PCDHA13: variants seen among roughly 807,000 people sequenced by gnomAD.
PCDHA13 encodes protocadherin alpha 13.
PCDHA13 carries 54 observed loss-of-function variants against 64.8 expected under a neutral mutation model. The ratio of observed to expected loss-of-function variants is 0.83; its 90% CI spans 0.67 to 1.04. The LOEUF (loss-of-function observed/expected upper bound fraction) is 1.04, where lower values mean the gene tolerates loss of function less well. PCDHA13 is among the 50% of genes least tolerant of loss of function. The pLI is 0.00. For synonymous variants in PCDHA13, 587 were observed against 564.4 expected (o/e 1.04, Z -0.57); for missense variants, 1,248 against 1,254.3 (o/e 0.99, Z 0.08).
chr5:140,928,539 T>G, intron 1 of PCDHA13: 1 of 1,614,222 alleles, frequency 6.2e-7, no homozygotes. Context: ...TAGATAGGAA[T>G]GACAATTATC....
intron 1 of PCDHA13, among the ~76,000 whole-genome samples, chr5:140,960,872 AAT>A (rs2095576865): frequency 6.6e-6 from 1 of 152,232 alleles, no homozygotes; most frequent in Admixed American, 6.5e-5. Flanking sequence ...AATTAGCTGA[AAT>A]ACACACTAAT....
chr5:140,924,102 T>C (rs1227932285), intron 1 of PCDHA13, among the ~76,000 whole-genome samples: 1 of 152,242 alleles, frequency 6.6e-6, no homozygotes. Context: ...TAAATTTTCA[T>C]TCCAAAGCAG....
chr5:140,884,582 T>G lies in PCDHA13; in HGVS notation c.2314T>G (p.Phe772Val). Reference sequence around the variant, plus strand: ...CCCGCATAAGACGGACCTCATGGCCTTCAGTCCCAGCCTTCCTCCTTGTCT... The same window carrying G: ...CCCGCATAAGACGGACCTCATGGCCGTCAGTCCCAGCCTTCCTCCTTGTCT... ...EGPHKTDLMA[F>V]SPSLPPCLGS... The change falls in exon 1 of 4, where the codon TTC becomes GTC. Residue 772 changes from phenylalanine (F) to valine (V), a missense_variant. Physicochemically the swap from Phe to Val is conservative, Grantham distance 50. Transcript: ENST00000289272. 1 of 1,614,172 alleles carries G rather than the reference T, an allele frequency of 6.2e-7. No homozygotes were observed. Among genetic ancestry groups the G allele is most frequent in the South Asian group, 1.1e-5 (1 of 91,084 alleles).
chr5:140,886,422 T>G (rs930235903), intron 1 of PCDHA13, among the ~76,000 whole-genome samples: 1 of 152,240 alleles, frequency 6.6e-6, no homozygotes, highest in Non-Finnish European at 1.5e-5. Flanking sequence ...TCCTATATTA[T>G]TTCTATTCAT....
intron 1 of PCDHA13, among the ~76,000 whole-genome samples, chr5:140,950,864 A>G (rs1014752748): frequency 1.3e-5 from 2 of 151,930 alleles, no homozygotes; most frequent in Non-Finnish European, 2.9e-5. Context: ...ATTCTTGTAT[A>G]TTCTATATTG....
chr5:140,893,050 A>T (rs967159859), intron 1 of PCDHA13, among the ~76,000 whole-genome samples: 1 of 152,248 alleles, frequency 6.6e-6, no homozygotes, highest in Non-Finnish European at 1.5e-5. Context: ...CTCCAGGCTC[A>T]GCCATACTGC....
chr5:140,934,349 T>C (rs1466597753), intron 1 of PCDHA13, among the ~76,000 whole-genome samples: 2 of 152,202 alleles, frequency 1.3e-5, no homozygotes, highest in African/African-American at 4.8e-5. Flanking sequence ...CAGTACAGTG[T>C]GGAGCCACTG....
chr5:140,980,749 G>A (rs1388943582), intron 2 of PCDHA13, among the ~76,000 whole-genome samples: 1 of 151,942 alleles, frequency 6.6e-6, no homozygotes, highest in Non-Finnish European at 1.5e-5. Flanking sequence ...TTTGAGTAGG[G>A]TAAGAAATAA....
chr5:140,968,818 T>A, intron 1 of PCDHA13: 1 of 1,614,188 alleles, frequency 6.2e-7, no homozygotes, highest in South Asian at 1.1e-5. Context: ...TGGATAGGGT[T>A]TCCAAAATCC....
chr5:140,991,086 T>C (rs2097431989), intron 3 of PCDHA13, among the ~76,000 whole-genome samples: 1 of 152,206 alleles, frequency 6.6e-6, no homozygotes, highest in African/African-American at 2.4e-5. Context: ...ATAAAAAAAT[T>C]AAAGCTCATA....
chr5:140,943,359 G>T (rs1374185019), intron 1 of PCDHA13, among the ~76,000 whole-genome samples: 2 of 151,772 alleles, frequency 1.3e-5, no homozygotes, highest in Non-Finnish European at 2.9e-5. Flanking sequence ...TAGAGGAAAG[G>T]AGATCATTAA....
chr5:140,995,379 G>T (rs1300023701), intron 3 of PCDHA13, among the ~76,000 whole-genome samples: 2 of 152,172 alleles, frequency 1.3e-5, no homozygotes, highest in East Asian at 1.9e-4. Context: ...CACGTACTGG[G>T]CAGGATAAAG....
rs781960813 is a variant in PCDHA13 at position 140,883,266 on chromosome 5, A to C, written c.998A>C (p.His333Pro). The change falls in exon 1 of 4, where the codon CAT becomes CCT. Residue 333 changes from histidine to proline, a missense_variant. By Grantham distance (77) the His-to-Pro change is moderately conservative (BLOSUM62 -2). Transcript: ENST00000289272. ...AAAGGAAATATTCCAATGGCGGGTCATTGTACCCTTTTGGTGGAAGTACTA... is the reference window on the plus strand; with the variant it reads ...AAAGGAAATATTCCAATGGCGGGTCCTTGTACCCTTTTGGTGGAAGTACTA... Reference protein sequence around the residue: ...VDKGNIPMAGHCTLLVEVLDV... With the variant: ...VDKGNIPMAGPCTLLVEVLDV... 2.7e-5 allele frequency: 43 copies of C among 1,614,082 alleles called. No individual in the cohort carries two copies. In the African/African-American group the frequency reaches 4.7e-4, roughly 18 times the overall value.
rs1554181483 is a variant in PCDHA13 at position 140,884,373 on chromosome 5, T to C, written c.2105T>C (p.Ile702Thr). 1.2e-6 allele frequency: 2 copies of C among 1,613,958 alleles called. No individual in the cohort carries two copies. The highest frequency in any genetic ancestry group is 2.2e-5 in the South Asian group (2 of 91,086). The stretch of plus-strand genomic sequence containing the variant: ...GTGGATGTCAATGTTTACTTGATCA[T>C]TGCCATCTGCGCGGTGTCCAGCCTG... ...ALVDVNVYLIIAICAVSSLLV... is the reference protein window; with the variant it reads ...ALVDVNVYLITAICAVSSLLV... The change falls in exon 1 of 4, where the codon ATT becomes ACT. Residue 702 changes from isoleucine (I) to threonine (T), a missense_variant. Physicochemically the swap from Ile to Thr is moderately conservative, Grantham distance 89. Transcript: ENST00000289272.
intron 1 of PCDHA13, among the ~76,000 whole-genome samples, chr5:140,953,756 G>C (rs2094932328): frequency 6.6e-6 from 1 of 152,208 alleles, no homozygotes; most frequent in South Asian, 2.1e-4. Context: ...ATTTATCCAA[G>C]AATTAAATTT....
chr5:140,986,011 T>A (rs1172713730), intron 3 of PCDHA13, among the ~76,000 whole-genome samples: 1 of 152,184 alleles, frequency 6.6e-6, no homozygotes, highest in Non-Finnish European at 1.5e-5. Flanking sequence ...AGTGCTGGGA[T>A]TACAGGCGTG....
At chr5:141,007,095 G>A (rs1405401392) in intron 3 of PCDHA13, among the ~76,000 whole-genome samples, 2 of 152,208 alleles carry the variant, frequency 1.3e-5, no homozygotes, top group East Asian at 1.9e-4. Context: ...AGAGAGTCTA[G>A]GGCCAAACCC....
chr5:140,961,770 A>C, intron 1 of PCDHA13, among the ~76,000 whole-genome samples: 1 of 152,206 alleles, frequency 6.6e-6, no homozygotes, highest in East Asian at 1.9e-4. Flanking sequence ...ATTTATATCA[A>C]GCTTAATGGC....
intron 1 of PCDHA13, among the ~76,000 whole-genome samples, chr5:140,906,435 C>T (rs2072652869): frequency 6.6e-6 from 1 of 152,120 alleles, no homozygotes; most frequent in Non-Finnish European, 1.5e-5. Flanking sequence ...ACATGATAAA[C>T]AAGAAAGGAA....
Sources: gnomAD v4.1 joint callset for allele counts (sites outside exome capture counted in the v4.1 genomes callset) on GRCh38, gnomAD v4.1.1 for gene constraint, MANE v1.5 for transcripts, NCBI Gene and HGNC (gene_info 2026-07-23, HGNC 2026-07-21) for gene names.